The following SPTLC3 variants were observed in gnomAD, a reference collection of about 807,000 sequenced individuals.
The protein encoded by SPTLC3 is serine palmitoyltransferase long chain base subunit 3.
A neutral mutation model predicts 59.3 loss-of-function variants in SPTLC3; 36 were observed. The ratio of observed to expected loss-of-function variants is 0.61; its 90% CI spans 0.47 to 0.80. The LOEUF (loss-of-function observed/expected upper bound fraction) is 0.80, where lower values mean the gene tolerates loss of function less well. SPTLC3 is among the 30% of genes least tolerant of loss of function. SPTLC3 has a pLI of 0.00. For synonymous variants in SPTLC3, 257 were observed against 240.8 expected (o/e 1.07, Z -0.62); for missense variants, 625 against 685.1 (o/e 0.91, Z 0.98).
intron 4 of SPTLC3, among the ~76,000 whole-genome samples, chr20:13,088,605 G>C (rs1044393556): frequency 2.0e-5 from 3 of 151,574 alleles, no homozygotes; most frequent in African/African-American, 4.9e-5. Context: ...TTATAGGCTT[G>C]AGCCATCGTG....
chr20:13,090,961 T>C (rs867241039), intron 4 of SPTLC3, 122 bp from the exon 5 acceptor site: 1 of 1,363,930 alleles, frequency 7.3e-7, no homozygotes. Context: ...CAATGGCAAA[T>C]CTTCCTGCTA....
intron 1 of SPTLC3, among the ~76,000 whole-genome samples, chr20:13,046,838 G>A (rs1001555058): frequency 1.3e-5 from 2 of 152,116 alleles, no homozygotes; most frequent in African/African-American, 4.8e-5. Context: ...CTCAGGGAAG[G>A]CATGCAACAA....
chr20:13,163,064 G>A (rs2038924368), intron 11 of SPTLC3, among the ~76,000 whole-genome samples: 1 of 151,994 alleles, frequency 6.6e-6, no homozygotes, highest in South Asian at 2.1e-4. Flanking sequence ...AAGTTTAAAA[G>A]GTTGAGATAA....
At chr20:13,018,104 A>G (rs1876919748) in intron 1 of SPTLC3, among the ~76,000 whole-genome samples, 1 of 152,220 alleles carries the variant, frequency 6.6e-6, no homozygotes, top group Admixed American at 6.5e-5. Flanking sequence ...GTTTGCTCCA[A>G]TTGATACTTC....
intron 1 of SPTLC3, among the ~76,000 whole-genome samples, chr20:13,042,218 C>A (rs1347272906): frequency 6.6e-6 from 1 of 152,148 alleles, no homozygotes; most frequent in African/African-American, 2.4e-5. Flanking sequence ...TTCTAAAGTG[C>A]TTGCCACCAG....
chr20:13,080,456 C>T (rs924553915), intron 4 of SPTLC3, among the ~76,000 whole-genome samples: 8 of 148,166 alleles, frequency 5.4e-5, no homozygotes, highest in Admixed American at 1.4e-4. Context: ...TGCAGTGAGC[C>T]GAGATTGCGC....
chr20:13,147,688 T>A, intron 9 of SPTLC3, among the ~76,000 whole-genome samples: 1 of 152,190 alleles, frequency 6.6e-6, no homozygotes, highest in East Asian at 1.9e-4. Context: ...GTGAGAAATG[T>A]TTTATGGAAT....
intron 10 of SPTLC3, 70 bp from the exon 11 acceptor site, chr20:13,159,933 T>C (rs920100492): frequency 1.4e-6 from 2 of 1,443,386 alleles, no homozygotes; most frequent in Admixed American, 2.3e-5. Context: ...CATATTCCTT[T>C]TTTGTCAGGA....
At chr20:13,041,424 G>A (rs552147914) in intron 1 of SPTLC3, among the ~76,000 whole-genome samples, 2 of 152,008 alleles carry the variant, frequency 1.3e-5, no homozygotes, top group East Asian at 1.9e-4. Context: ...TACACTTTTC[G>A]ATTTCAGAAT....
At chr20:13,134,671 G>A (rs1202355237) in intron 9 of SPTLC3, among the ~76,000 whole-genome samples, 1 of 152,010 alleles carries the variant, frequency 6.6e-6, no homozygotes, top group African/African-American at 2.4e-5. Flanking sequence ...ATGTTTCTAC[G>A]TAACAGAAAA....
At chr20:13,078,401 A>T (rs934046419) in intron 4 of SPTLC3, among the ~76,000 whole-genome samples, 1 of 151,556 alleles carries the variant, frequency 6.6e-6, no homozygotes, top group Non-Finnish European at 1.5e-5. Context: ...CTAAGCATTT[A>T]TAAAATTCAT....
chr20:13,109,469 C>T (rs1469258213), intron 6 of SPTLC3, among the ~76,000 whole-genome samples: 1 of 152,212 alleles, frequency 6.6e-6, no homozygotes, highest in African/African-American at 2.4e-5. Context: ...CTAGTACTTC[C>T]TCCAGATGGT....
Position 13,009,300 on chromosome 20 carries a change from C to T in SPTLC3, c.33C>T (p.Asn11=), listed in dbSNP as rs146130600. MANPGGGAVC[N]GKLHNHKKQS... ...ACCCTGGAGGTGGTGCTGTTTGCAACGGGAAACTTCACAATCACAAGAAAC... is the reference window on the plus strand; with the variant it reads ...ACCCTGGAGGTGGTGCTGTTTGCAATGGGAAACTTCACAATCACAAGAAAC... Residue 11 remains asparagine, a synonymous_variant, in exon 1 of 12, where the codon AAC becomes AAT. Transcript: ENST00000399002. 44 of 1,613,862 alleles carry T rather than the reference C, an allele frequency of 2.7e-5. No homozygotes were observed. Among genetic ancestry groups the T allele is most frequent in the Admixed American group, 3.3e-5 (2 of 59,976 alleles).
At chr20:13,114,294 T>G (rs531463660) in intron 7 of SPTLC3, among the ~76,000 whole-genome samples, 1 of 152,372 alleles carries the variant, frequency 6.6e-6, no homozygotes, top group Admixed American at 6.5e-5. Flanking sequence ...CTGAACTGTA[T>G]GTTTTCATTA....
intron 9 of SPTLC3, among the ~76,000 whole-genome samples, chr20:13,150,300 G>A (rs2038613336): frequency 1.3e-5 from 2 of 151,982 alleles, no homozygotes; most frequent in Admixed American, 1.3e-4. Flanking sequence ...AGTTTCCAAG[G>A]GACACATCAG....
At chr20:13,032,974 T>C (rs1327655734) in intron 1 of SPTLC3, among the ~76,000 whole-genome samples, 1 of 152,176 alleles carries the variant, frequency 6.6e-6, no homozygotes, top group Non-Finnish European at 1.5e-5. Context: ...CTTATCACTC[T>C]CTTTGACTTC....
intron 2 of SPTLC3, among the ~76,000 whole-genome samples, chr20:13,064,284 GTTTTGTTTTTGTTTTTGTTTTTGT>G (rs561558915): frequency 0.42 from 55,065 of 132,548 alleles, 10,376 homozygotes; most frequent in Middle Eastern, 0.56. Flanking sequence ...TTTTTTTTTT[GTTTTGTTTTTGTTTTTGTTTTTGT>G]TTTTGTTTTT....
Position 13,164,950 on chromosome 20 carries a change from C to T in SPTLC3, c.*83C>T. 6 of 1,200,440 alleles carry T rather than the reference C, an allele frequency of 5.0e-6. No homozygotes were observed. Among genetic ancestry groups the T allele is most frequent in the Non-Finnish European group, 7.0e-6 (6 of 859,754 alleles). 74.4% of individuals were successfully genotyped at this position (1,200,440 alleles called of 1,614,324 possible). On this transcript the variant is annotated 3_prime_UTR_variant, in exon 12 of 12. Transcript: ENST00000399002. ...TCACAAGGAATATAAATGGATTTCTCCCCCTTCCTCAGGACAATTTTGGTT... is the reference window on the plus strand; with the variant it reads ...TCACAAGGAATATAAATGGATTTCTTCCCCTTCCTCAGGACAATTTTGGTT...
chr20:13,160,204 C>G, intron 11 of SPTLC3, 72 bp downstream of exon 11: 1 of 1,501,736 alleles, frequency 6.7e-7, no homozygotes, highest in Non-Finnish European at 9.0e-7. Flanking sequence ...TTTGTTGAGA[C>G]AGCTTGGGGT....
Sources: allele counts gnomAD v4.1 joint callset (sites outside exome capture counted in the v4.1 genomes callset), GRCh38; gene constraint gnomAD v4.1.1; transcripts MANE v1.5; gene names NCBI Gene and HGNC (gene_info 2026-07-23, HGNC 2026-07-21).